Variants in SDK1 observed in about 807,000 individuals in gnomAD.
SDK1 encodes the protein protein sidekick-1.
A neutral mutation model predicts 245.5 loss-of-function variants in SDK1; 157 were observed. The observed-to-expected ratio is 0.64, with a 90% CI of 0.56 to 0.73. SDK1 has a LOEUF of 0.73. SDK1 is among the 30% of genes least tolerant of loss of function. The probability of loss-of-function intolerance (pLI) is 0.00; values close to 1 mark genes in which losing one functional copy is unlikely to be tolerated. For missense variants in SDK1, 3,583 were observed against 3,002.3 expected, an observed-to-expected ratio of 1.19 and a Z score of -4.52; for synonymous variants, 1,647 against 1,278.5, an observed-to-expected ratio of 1.29 and a Z score of -6.15.
At chr7:3,759,597 A>T (rs1780035296) in intron 4 of SDK1, among the ~76,000 whole-genome samples, 1 of 148,482 alleles carries the variant, frequency 6.7e-6, no homozygotes, top group Admixed American at 6.7e-5. Context: ...TATTATTATT[A>T]TTATTATTAT....
chr7:3,504,265 C>CGTCGTTGTTGTTGTTGTT (rs559796677), intron 1 of SDK1, among the ~76,000 whole-genome samples: 1 of 146,544 alleles, frequency 6.8e-6, no homozygotes, highest in Non-Finnish European at 1.5e-5. Flanking sequence ...CTGTTGTTGT[C>CGTCGTTGTTGTTGTTGTT]GTTGTTGTTG....
At position 3,434,640 on chromosome 7, in the gene SDK1, A is replaced by T. The variant is rs192079288; in HGVS notation, c.298+132756A>T. Among the ~76,000 whole-genome samples the T allele has an allele frequency of 5.7e-3, 869 of 152,306 alleles. 6 individuals carry two copies. Among genetic ancestry groups the T allele is most frequent in the Non-Finnish European group, 9.6e-3 (654 of 68,018 alleles). ...GGTCATTTTGCCAGCTAAGTAACCAAGCTGGGGTTTCAGCCCAAGCCAACT... is the reference window on the plus strand; with the variant it reads ...GGTCATTTTGCCAGCTAAGTAACCATGCTGGGGTTTCAGCCCAAGCCAACT... On this transcript the variant is annotated intron_variant, in intron 1 of 44. Coordinates refer to ENST00000404826, the MANE Select transcript of SDK1 (RefSeq NM_152744.4).
intron 1 of SDK1, among the ~76,000 whole-genome samples, chr7:3,509,085 CGTGTGTGTGTGT>C (rs142827941): frequency 6.7e-6 from 1 of 149,310 alleles, no homozygotes; most frequent in African/African-American, 2.5e-5. Context: ...TGTGTGTGTG[CGTGTGTGTGTGT>C]GTATGTATGT....
At chr7:3,850,503 C>G (rs971021112) in intron 5 of SDK1, among the ~76,000 whole-genome samples, 10 of 152,186 alleles carry the variant, frequency 6.6e-5, no homozygotes, top group Non-Finnish European at 1.5e-5. Flanking sequence ...TATCCCATTA[C>G]TGGGTATATA....
intron 5 of SDK1, among the ~76,000 whole-genome samples, chr7:3,918,088 A>C (rs1388026006): frequency 1.3e-5 from 2 of 152,132 alleles, no homozygotes; most frequent in African/African-American, 4.8e-5. Flanking sequence ...CTTAGACTGG[A>C]TCTCAGTTCA....
rs1185061736 is a variant in SDK1 at position 4,145,741 on chromosome 7, C to G, written c.4248C>G (p.Arg1416=). 8 of 1,609,518 alleles carry G rather than the reference C, an allele frequency of 5.0e-6. No individual in the cohort carries two copies. Among genetic ancestry groups the G allele is most frequent in the Non-Finnish European group, 5.9e-6 (7 of 1,177,984 alleles). The part of the protein sequence containing the change: ...GIILGYQIAY[R]LASSSPHTFT... ...CTGCAGGGTACCAGATTGCCTACCG[C>G]CTGGCCAGCAGCAGCCCCCACACCT... Residue 1416 remains arginine, a synonymous_variant, in exon 29 of 45, where the codon CGC becomes CGG. Transcript: ENST00000404826.
chr7:3,644,626 T>C (rs1039078954), intron 4 of SDK1, among the ~76,000 whole-genome samples: 2 of 150,486 alleles, frequency 1.3e-5, no homozygotes, highest in African/African-American at 4.9e-5. Flanking sequence ...AATAGCTGGG[T>C]GTGGTGGCAC....
intron 1 of SDK1, among the ~76,000 whole-genome samples, chr7:3,513,867 C>T (rs754061617): frequency 3.3e-5 from 5 of 152,104 alleles, no homozygotes; most frequent in Non-Finnish European, 4.4e-5. Flanking sequence ...CTCATTTATA[C>T]GTAAGGATAT....
intron 19 of SDK1, among the ~76,000 whole-genome samples, chr7:4,054,459 G>C (rs1024109885): frequency 2.0e-4 from 31 of 152,232 alleles, no homozygotes; most frequent in African/African-American, 7.2e-4. Context: ...ATATGTGTGT[G>C]TTTAGTCCTG....
At position 4,129,926 on chromosome 7, in the gene SDK1, G is replaced by C; in HGVS notation, c.3958G>C (p.Asp1320His). 4 of 1,613,734 alleles carry C rather than the reference G, an allele frequency of 2.5e-6. No individual in the cohort carries two copies. Among genetic ancestry groups the C allele is most frequent in the Non-Finnish European group, 3.4e-6 (4 of 1,179,912 alleles). The change falls in exon 27 of 45, where the codon GAC becomes CAC. Residue 1320 changes from aspartate to histidine, a missense_variant. Coordinates refer to ENST00000404826, the MANE Select transcript of SDK1 (RefSeq NM_152744.4). Reference sequence around the variant, plus strand: ...ACCACAGATCCTGTTCCGGGCCAAAGACCTGGATCCCGAGCCCAGGAGCCA... The same window carrying C: ...ACCACAGATCCTGTTCCGGGCCAAACACCTGGATCCCGAGCCCAGGAGCCA... The part of the protein sequence containing the change: ...LGYKILFRAK[D>H]LDPEPRSHIV...
At chr7:4,248,277 TAC>T (rs144578855) in intron 44 of SDK1, among the ~76,000 whole-genome samples, 5 of 151,096 alleles carry the variant, frequency 3.3e-5, no homozygotes, top group Non-Finnish European at 4.4e-5. Flanking sequence ...CACACCTAAA[TAC>T]ACACACACGC....
At chr7:3,378,326 A>T (rs574107092) in intron 1 of SDK1, among the ~76,000 whole-genome samples, 1 of 152,154 alleles carries the variant, frequency 6.6e-6, no homozygotes, top group Non-Finnish European at 1.5e-5. Flanking sequence ...CTTTAATTCT[A>T]CTTAAAAACA....
rs951453830 is a variant in SDK1 at position 3,402,951 on chromosome 7, T to C, written c.298+101067T>C. 2.6e-5 allele frequency among the ~76,000 whole-genome samples: 4 copies of C among 152,172 alleles called. No homozygotes were observed. The East Asian group carries it at 5.8e-4, about 22-fold the overall frequency. On this transcript the variant is annotated intron_variant, in intron 1 of 44. Coordinates refer to ENST00000404826, the MANE Select transcript of SDK1 (RefSeq NM_152744.4). Reference sequence around the variant, plus strand: ...CATTTCTATTCCTCTGTTTCTTTCTTTCTTTCTTTTTTTGAGACAGAGTTT... The same window carrying C: ...CATTTCTATTCCTCTGTTTCTTTCTCTCTTTCTTTTTTTGAGACAGAGTTT...
chr7:3,819,722 G>A (rs1414807883), intron 4 of SDK1, among the ~76,000 whole-genome samples: 1 of 152,044 alleles, frequency 6.6e-6, no homozygotes, highest in African/African-American at 2.4e-5. Flanking sequence ...TCATAAATGA[G>A]ACATGAAGTA....
At chr7:3,478,226 G>T (rs956475231) in intron 1 of SDK1, among the ~76,000 whole-genome samples, 1 of 151,950 alleles carries the variant, frequency 6.6e-6, no homozygotes, top group South Asian at 2.1e-4. Context: ...GGATTAATTT[G>T]GGAGTTATTT....
chr7:4,132,430 G>C lies in SDK1; in HGVS notation c.4228+7G>C, dbSNP rs900875460. 1 of 1,598,790 alleles carries C rather than the reference G, an allele frequency of 6.3e-7. No individual in the cohort carries two copies. Among genetic ancestry groups the C allele is most frequent in the Non-Finnish European group, 8.5e-7 (1 of 1,170,072 alleles). Reference sequence around the variant, plus strand: ...CCCAACGGCATCATCCTGGGTAAGGGAGCGGCGGTGGCCGGGCGTGGTGGC... The same window carrying C: ...CCCAACGGCATCATCCTGGGTAAGGCAGCGGCGGTGGCCGGGCGTGGTGGC... On this transcript the variant is annotated splice_region_variant and intron_variant, in intron 28 of 44. Coordinates refer to ENST00000404826, the MANE Select transcript of SDK1 (RefSeq NM_152744.4).
chr7:3,390,344 C>T (rs1266705866), intron 1 of SDK1, among the ~76,000 whole-genome samples: 1 of 152,102 alleles, frequency 6.6e-6, no homozygotes, highest in Non-Finnish European at 1.5e-5. Context: ...GCTCATCAGC[C>T]TTTTAAATGT....
At chr7:4,215,131 C>T (rs1020453913) in intron 38 of SDK1, among the ~76,000 whole-genome samples, 1 of 152,228 alleles carries the variant, frequency 6.6e-6, no homozygotes, top group Non-Finnish European at 1.5e-5. Context: ...TAACCCCAGG[C>T]CTGTCCGACA....
At chr7:3,755,981 A>C (rs189608101) in intron 4 of SDK1, among the ~76,000 whole-genome samples, 1 of 152,040 alleles carries the variant, frequency 6.6e-6, no homozygotes, top group East Asian at 1.9e-4. Context: ...AGCACGTGTG[A>C]CACATGCATA....
Sources: gnomAD v4.1 joint callset for allele counts (sites outside exome capture counted in the v4.1 genomes callset) on GRCh38, gnomAD v4.1.1 for gene constraint, MANE v1.5 for transcripts, NCBI Gene and HGNC (gene_info 2026-07-23, HGNC 2026-07-21) for gene names.